Variants in NAALADL2 observed in about 807,000 individuals in gnomAD.
The protein encoded by NAALADL2 is N-acetylated alpha-linked acidic dipeptidase like 2, also known as inactive N-acetylated-alpha-linked acidic dipeptidase-like protein 2.
In NAALADL2, 76 loss-of-function variants were observed where a neutral mutation model predicts 87.2. The ratio of observed to expected loss-of-function variants is 0.87; its 90% confidence interval spans 0.72 to 1.05. The LOEUF (loss-of-function observed/expected upper bound fraction) is 1.05, where lower values mean the gene tolerates loss of function less well. NAALADL2 is among the 50% of genes least tolerant of loss of function. The probability of loss-of-function intolerance (pLI) is 0.00; values close to 1 mark genes in which losing one functional copy is unlikely to be tolerated. For synonymous variants in NAALADL2, 354 were observed against 331.0 expected (o/e 1.07, Z -0.75); for missense variants, 1,089 against 945.8 (o/e 1.15, Z -1.99).
At chr3:174,575,721 A>G (rs1175959843) in intron 2 of NAALADL2, among the ~76,000 whole-genome samples, 1 of 152,180 alleles carries the variant, frequency 6.6e-6, no homozygotes, top group Non-Finnish European at 1.5e-5. Context: ...TATTTGGAAG[A>G]GGAATGTGTA....
intron 1 of NAALADL2, among the ~76,000 whole-genome samples, chr3:175,021,943 G>T (rs993489833): frequency 1.4e-4 from 21 of 152,060 alleles, no homozygotes; most frequent in Admixed American, 3.3e-4. Context: ...GAGGTGTTTA[G>T]GTCATGGGAC....
chr3:175,648,492 C>CTTT (rs530477119), intron 11 of NAALADL2, among the ~76,000 whole-genome samples: 1 of 127,770 alleles, frequency 7.8e-6, no homozygotes, highest in Non-Finnish European at 1.7e-5. Flanking sequence ...AGACAATTTT[C>CTTT]TTTTTTTTTT....
intron 2 of NAALADL2, among the ~76,000 whole-genome samples, chr3:175,163,157 A>G (rs1245389213): frequency 1.3e-5 from 2 of 152,104 alleles, no homozygotes; most frequent in African/African-American, 4.8e-5. Context: ...TTTATATGAA[A>G]TGAAGTTGAT....
chr3:175,161,464 C>A (rs983514648), intron 2 of NAALADL2, among the ~76,000 whole-genome samples: 1 of 152,106 alleles, frequency 6.6e-6, no homozygotes, highest in African/African-American at 2.4e-5. Context: ...AGATAATTAT[C>A]GAAATAGCTC....
At chr3:175,619,371 C>T (rs1380720550) in intron 10 of NAALADL2, among the ~76,000 whole-genome samples, 1 of 151,034 alleles carries the variant, frequency 6.6e-6, no homozygotes, top group Non-Finnish European at 1.5e-5. Context: ...TGGGGACCTG[C>T]ACTAACAAGA....
chr3:175,664,605 A>G (rs946677864), intron 11 of NAALADL2, among the ~76,000 whole-genome samples: 2 of 152,146 alleles, frequency 1.3e-5, no homozygotes, highest in Non-Finnish European at 2.9e-5. Flanking sequence ...GAACTTAGCC[A>G]TAGAACAATA....
chr3:174,882,543 A>G (rs1729374555), intron 1 of NAALADL2, among the ~76,000 whole-genome samples: 2 of 149,500 alleles, frequency 1.3e-5, no homozygotes, highest in African/African-American at 2.5e-5. Flanking sequence ...ATGCATACAC[A>G]CATATGTACA....
At chr3:174,665,376 G>A (rs1236657225) in intron 2 of NAALADL2, among the ~76,000 whole-genome samples, 1 of 152,142 alleles carries the variant, frequency 6.6e-6, no homozygotes, top group African/African-American at 2.4e-5. Flanking sequence ...AGGAAAGACT[G>A]TTTGGTGCTA....
chr3:174,601,250 CA>C (rs1478533875), intron 2 of NAALADL2, among the ~76,000 whole-genome samples: 1 of 152,110 alleles, frequency 6.6e-6, no homozygotes, highest in Non-Finnish European at 1.5e-5. Flanking sequence ...AATTTACATT[CA>C]CACCAACAGT....
At chr3:175,147,793 G>A (rs369095627) in intron 2 of NAALADL2, among the ~76,000 whole-genome samples, 10 of 152,050 alleles carry the variant, frequency 6.6e-5, no homozygotes, top group African/African-American at 2.4e-4. Flanking sequence ...TTTTCGGCCA[G>A]GCGTGTTGGC....
chr3:175,166,202 C>T (rs909410070), intron 2 of NAALADL2, among the ~76,000 whole-genome samples: 1 of 152,058 alleles, frequency 6.6e-6, no homozygotes, highest in Non-Finnish European at 1.5e-5. Flanking sequence ...ACATGACTTT[C>T]TCAGAGTTGT....
At chr3:174,625,026 G>T in intron 2 of NAALADL2, among the ~76,000 whole-genome samples, 1 of 133,210 alleles carries the variant, frequency 7.5e-6, no homozygotes, top group African/African-American at 2.8e-5. Context: ...AATGTCCTCA[G>T]AATTCTATTT....
At chr3:175,206,627 T>C (rs2109219565) in intron 2 of NAALADL2, among the ~76,000 whole-genome samples, 1 of 151,968 alleles carries the variant, frequency 6.6e-6, no homozygotes, top group Admixed American at 6.6e-5. Context: ...CGGGTGATGG[T>C]TACACCAAAA....
chr3:174,516,349 A>G (rs1300453334), intron 1 of NAALADL2, among the ~76,000 whole-genome samples: 2 of 152,074 alleles, frequency 1.3e-5, no homozygotes, highest in Non-Finnish European at 2.9e-5. Context: ...AATACTATCT[A>G]CTTAATGAGA....
chr3:174,578,237 T>C (rs934311449), intron 2 of NAALADL2, among the ~76,000 whole-genome samples: 16 of 151,932 alleles, frequency 1.1e-4, no homozygotes, highest in African/African-American at 3.9e-4. Context: ...TGCCAAAAAA[T>C]TCTCATTTTT....
chr3:175,768,094 G>A (rs1400478761), intron 13 of NAALADL2, among the ~76,000 whole-genome samples: 1 of 151,996 alleles, frequency 6.6e-6, no homozygotes, highest in African/African-American at 2.4e-5. Flanking sequence ...GTTTTATTGG[G>A]GTTTTGTCGG....
intron 5 of NAALADL2, 69 bp downstream of exon 5, chr3:175,324,394 GCTAT>G (rs1760422190): frequency 4.1e-6 from 5 of 1,232,940 alleles, no homozygotes; most frequent in Non-Finnish European, 5.6e-6. Flanking sequence ...ATAAATAAAT[GCTAT>G]CTATCAGGAA....
intron 1 of NAALADL2, among the ~76,000 whole-genome samples, chr3:174,985,814 T>A (rs1332899188): frequency 6.6e-6 from 1 of 151,960 alleles, no homozygotes; most frequent in Non-Finnish European, 1.5e-5. Flanking sequence ...TAGCTGTGTG[T>A]GGTGGTGCAT....
At chr3:175,553,675 C>T (rs1437486956) in intron 9 of NAALADL2, among the ~76,000 whole-genome samples, 1 of 150,124 alleles carries the variant, frequency 6.7e-6, no homozygotes, top group Non-Finnish European at 1.5e-5. Context: ...ATTCCAGAGG[C>T]TATTCCCAGG....
Sources: gnomAD v4.1 joint callset for allele counts (sites outside exome capture counted in the v4.1 genomes callset) on GRCh38, gnomAD v4.1.1 for gene constraint, MANE v1.5 for transcripts, NCBI Gene and HGNC (gene_info 2026-07-23, HGNC 2026-07-21) for gene names.